The following RGS6 variants were observed in gnomAD, a reference collection of about 807,000 sequenced individuals.
RGS6 encodes the protein regulator of G-protein signaling 6.
RGS6 carries 30 observed loss-of-function variants against 78.5 expected under a neutral mutation model. That is an observed-to-expected ratio of 0.38 (90% confidence interval 0.29 to 0.52). RGS6 has a LOEUF of 0.52. RGS6 is among the 20% of genes least tolerant of loss of function. The probability of loss-of-function intolerance (pLI) is 0.85; values close to 1 mark genes in which losing one functional copy is unlikely to be tolerated. For missense variants in RGS6, 495 were observed against 609.7 expected (o/e 0.81, Z 1.98); for synonymous variants, 206 against 206.0 (o/e 1.00, Z 0.00).
At chr14:72,215,559 G>A (rs1374634483) in intron 2 of RGS6, among the ~76,000 whole-genome samples, 1 of 152,136 alleles carries the variant, frequency 6.6e-6, no homozygotes, top group South Asian at 2.1e-4. Flanking sequence ...CCACCCTACT[G>A]CTGTGTCCCG....
intron 17 of RGS6, among the ~76,000 whole-genome samples, chr14:72,549,594 G>T (rs529288152): frequency 1.3e-5 from 2 of 152,334 alleles, no homozygotes; most frequent in Admixed American, 6.5e-5. Context: ...GGGCGTGGTG[G>T]CTCACATCTG....
At chr14:72,053,133 C>CCTTTG (rs2093430896) in intron 2 of RGS6, among the ~76,000 whole-genome samples, 3 of 119,776 alleles carry the variant, frequency 2.5e-5, no homozygotes, top group African/African-American at 9.6e-5. Context: ...TCCTTCCTTT[C>CCTTTG]TTTTTTTGAT....
chr14:71,873,608 G>T, the RGS6 span, among the ~76,000 whole-genome samples: 162 of 152,172 alleles, frequency 1.1e-3, no homozygotes, highest in Non-Finnish European at 2.0e-3. Context: ...TTCACTCTGA[G>T]GGTAGTTTCT....
intron 2 of RGS6, among the ~76,000 whole-genome samples, chr14:72,087,839 C>A: frequency 6.6e-6 from 1 of 152,116 alleles, no homozygotes; most frequent in East Asian, 1.9e-4. Context: ...GCCATCAATT[C>A]TGATCATCCA....
intron 2 of RGS6, among the ~76,000 whole-genome samples, chr14:72,118,997 G>GT (rs1478380626): frequency 1.3e-5 from 2 of 152,078 alleles, no homozygotes; most frequent in African/African-American, 2.4e-5. Flanking sequence ...TTCAGTGCAT[G>GT]TTTTTTTGGA....
chr14:72,417,422 A>G (rs2093895626), intron 3 of RGS6, among the ~76,000 whole-genome samples: 1 of 152,168 alleles, frequency 6.6e-6, no homozygotes, highest in African/African-American at 2.4e-5. Context: ...TGAGCTGGAA[A>G]GGGGGTTTGG....
chr14:72,150,696 G>A (rs536076190), intron 2 of RGS6, among the ~76,000 whole-genome samples: 4 of 152,048 alleles, frequency 2.6e-5, no homozygotes, highest in South Asian at 2.1e-4. Context: ...ACCAGATCTC[G>A]TAAGAACTCA....
chr14:72,088,049 C>T (rs2095120108), intron 2 of RGS6, among the ~76,000 whole-genome samples: 1 of 152,118 alleles, frequency 6.6e-6, no homozygotes, highest in Admixed American at 6.5e-5. Context: ...GGAGTTTGCG[C>T]TTTGGGCTGA....
chr14:71,911,811 G>A, the RGS6 span, among the ~76,000 whole-genome samples: 18 of 152,314 alleles, frequency 1.2e-4, no homozygotes, highest in Admixed American at 1.2e-3. Flanking sequence ...GAAACCGAAA[G>A]CAGGCACTGG....
intron 2 of RGS6, among the ~76,000 whole-genome samples, chr14:72,156,013 C>A (rs139366012): frequency 1.3e-5 from 2 of 152,192 alleles, no homozygotes; most frequent in Non-Finnish European, 2.9e-5. Context: ...ACTTGGGTTC[C>A]GCTCTTGGAA....
At chr14:72,433,530 G>C (rs939237555) in intron 3 of RGS6, among the ~76,000 whole-genome samples, 1 of 151,962 alleles carries the variant, frequency 6.6e-6, no homozygotes, top group Admixed American at 6.6e-5. Context: ...GAATAATCCA[G>C]AAAGTCAAGA....
chr14:72,582,933 G>T, the RGS6 span, among the ~76,000 whole-genome samples: 1 of 140,770 alleles, frequency 7.1e-6, no homozygotes, highest in South Asian at 2.2e-4. Context: ...GCATTTGAAT[G>T]AGTGGACTGA....
chr14:72,223,774 T>C (rs2047444762), intron 2 of RGS6, among the ~76,000 whole-genome samples: 1 of 152,220 alleles, frequency 6.6e-6, no homozygotes, highest in Admixed American at 6.5e-5. Flanking sequence ...TTCCATTCGG[T>C]CATTGTTACT....
At chr14:72,052,742 G>T (rs10220686) in intron 2 of RGS6, among the ~76,000 whole-genome samples, 87,956 of 151,826 alleles carry the variant, frequency 0.58, 26,083 homozygotes, top group East Asian at 0.81. Flanking sequence ...CTTTACAATT[G>T]CTATCAGGTT....
intron 13 of RGS6, among the ~76,000 whole-genome samples, chr14:72,506,980 C>G (rs2096810030): frequency 2.2e-5 from 1 of 46,078 alleles, no homozygotes. Flanking sequence ...AACCCTGTCT[C>G]TACTAAAAAA....
At chr14:72,486,507 C>T (rs1450250324) in intron 12 of RGS6, among the ~76,000 whole-genome samples, 1 of 152,056 alleles carries the variant, frequency 6.6e-6, no homozygotes, top group Non-Finnish European at 1.5e-5. Context: ...TGCCTGCTCA[C>T]CCATTTTGGA....
At chr14:71,945,417 T>A (rs1202310573) in intron 1 of RGS6, among the ~76,000 whole-genome samples, 1 of 152,220 alleles carries the variant, frequency 6.6e-6, no homozygotes, top group African/African-American at 2.4e-5. Context: ...AAAAATGAGT[T>A]GCAAACTCAA....
rs71109718 is a variant in RGS6 at position 72,057,313 on chromosome 14, G to GAAAAAAAAAAAAA, written c.84+92453_84+92465dup. Reference sequence around the variant, plus strand: ...TGAGTGACAGAGTGAGACTCTATCTGAAAAAAAAAAAAAAAAAAAAAAAAA... The same window carrying GAAAAAAAAAAAAA: ...TGAGTGACAGAGTGAGACTCTATCTGAAAAAAAAAAAAAAAAAAAAAAAAAAAAAAAAAAAAAA... On this transcript the variant is annotated intron_variant, in intron 2 of 17. Transcript: ENST00000553525. 1.1e-3 allele frequency among the ~76,000 whole-genome samples: 60 copies of GAAAAAAAAAAAAA among 56,166 alleles called. 2 individuals are homozygous for GAAAAAAAAAAAAA. Among genetic ancestry groups the GAAAAAAAAAAAAA allele is most frequent in the East Asian group, 8.4e-3 (13 of 1,548 alleles). 36.8% of individuals were successfully genotyped at this position (56,166 alleles called of 152,430 possible).
intron 2 of RGS6, among the ~76,000 whole-genome samples, chr14:72,274,425 G>A (rs1184934505): frequency 6.6e-6 from 1 of 152,140 alleles, no homozygotes; most frequent in Non-Finnish European, 1.5e-5. Context: ...CGCACCTCTG[G>A]CATCACTGCC....
Sources: gnomAD v4.1 joint callset for allele counts (sites outside exome capture counted in the v4.1 genomes callset) on GRCh38, gnomAD v4.1.1 for gene constraint, MANE v1.5 for transcripts, NCBI Gene and HGNC (gene_info 2026-07-23, HGNC 2026-07-21) for gene names.